Variants in IFNAR1 observed in about 807,000 individuals in gnomAD.
IFNAR1 encodes the protein interferon alpha/beta receptor 1.
Under a neutral mutation model 62.1 loss-of-function variants are expected in IFNAR1, and 47 were observed. That is an observed-to-expected ratio of 0.76 (90% CI 0.60 to 0.97). The LOEUF (loss-of-function observed/expected upper bound fraction) is 0.97. Among genes scored for constraint, IFNAR1 ranks in the 50% least tolerant of loss-of-function variants. The pLI, the probability that IFNAR1 is intolerant of heterozygous loss-of-function variation, is 0.00. For synonymous variants in IFNAR1, 219 were observed against 226.9 expected (o/e 0.97, Z 0.31); for missense variants, 638 against 654.5 (o/e 0.97, Z 0.27).
chr21:33,337,730 C>T (rs187255700), intron 2 of IFNAR1, among the ~76,000 whole-genome samples: 25 of 152,184 alleles, frequency 1.6e-4, no homozygotes, highest in African/African-American at 5.1e-4. Flanking sequence ...TACATATACA[C>T]ACATTGTGTA....
At chr21:33,332,755 C>G (rs2123661593) in intron 1 of IFNAR1, among the ~76,000 whole-genome samples, 1 of 152,236 alleles carries the variant, frequency 6.6e-6, no homozygotes, top group East Asian at 1.9e-4. Flanking sequence ...GCTTCAATAA[C>G]AGACTTGGTA....
Position 33,355,449 on chromosome 21 carries a change from A to T in IFNAR1, c.1574A>T (p.Lys525Ile), listed in dbSNP as rs997078033. Residue 525 changes from lysine (K) to isoleucine (I), a missense_variant, in exon 11 of 11, where the codon AAA becomes ATA. By Grantham distance (102) the Lys-to-Ile change is moderately radical (BLOSUM62 -3). Transcript: ENST00000270139. ...ACTAATCAAACTGATGAAGATCATA[A>T]AAAATACAGTTCCCAAACTAGCCAA... is the stretch of plus-strand genomic sequence containing the variant. The part of the protein sequence containing the change: ...EETNQTDEDH[K>I]KYSSQTSQDS... The T allele has an allele frequency of 1.9e-6, 3 of 1,605,336 alleles. No homozygotes were observed. The highest frequency in any genetic ancestry group is 2.6e-6 in the Non-Finnish European group (3 of 1,174,882).
At chr21:33,337,636 A>T (rs552983387) in intron 2 of IFNAR1, among the ~76,000 whole-genome samples, 1 of 81,420 alleles carries the variant, frequency 1.2e-5, no homozygotes, top group African/African-American at 4.6e-5. Flanking sequence ...GCATATATAC[A>T]CTATATATAT....
rs776619690 is a variant in IFNAR1, at chr21:33,355,507, C to T, written c.1632C>T (p.Ser544=). 32 of 1,600,916 alleles carry T rather than the reference C, an allele frequency of 2.0e-5. No homozygotes were observed. Among genetic ancestry groups the T allele is most frequent in the Non-Finnish European group, 2.4e-5 (28 of 1,175,576 alleles). Residue 544 remains serine, a synonymous_variant, in exon 11 of 11, where the codon AGC becomes AGT. Coordinates refer to ENST00000270139, the MANE Select transcript of IFNAR1 (RefSeq NM_000629.3). ...GAAATTATTCTAATGAAGATGAAAG[C>T]GAAAGTAAAACAAGTGAAGAACTAC... The part of the protein sequence containing the change: ...DSGNYSNEDE[S]ESKTSEELQQ...
intron 10 of IFNAR1, among the ~76,000 whole-genome samples, chr21:33,355,105 AC>A (rs1568934167): frequency 6.6e-6 from 1 of 152,114 alleles, no homozygotes; most frequent in African/African-American, 2.4e-5. Flanking sequence ...AAGACTCACC[AC>A]AGAAGGTACT....
chr21:33,326,119 A>G (rs1259630802), intron 1 of IFNAR1, among the ~76,000 whole-genome samples: 1 of 152,184 alleles, frequency 6.6e-6, no homozygotes, highest in Non-Finnish European at 1.5e-5. Flanking sequence ...CAGAAGTCAT[A>G]AAAATAGTCA....
intron 2 of IFNAR1, among the ~76,000 whole-genome samples, chr21:33,338,856 T>C (rs1413134312): frequency 6.6e-6 from 1 of 151,594 alleles, no homozygotes; most frequent in Non-Finnish European, 1.5e-5. Context: ...AATTCTCCTG[T>C]CTCAGCCTCC....
intron 5 of IFNAR1, among the ~76,000 whole-genome samples, chr21:33,344,209 G>A (rs935432186): frequency 6.6e-6 from 1 of 152,088 alleles, no homozygotes; most frequent in African/African-American, 2.4e-5. Context: ...CTTTTCATTT[G>A]TTCAGAATCC....
chr21:33,347,487 A>C (rs1414366010), intron 6 of IFNAR1, among the ~76,000 whole-genome samples: 2 of 151,812 alleles, frequency 1.3e-5, no homozygotes, highest in Non-Finnish European at 2.9e-5. Context: ...GGCTGTTCGC[A>C]AACTCCTGGC....
intron 1 of IFNAR1, chr21:33,334,786 T>C: frequency 1.3e-6 from 1 of 798,310 alleles, no homozygotes; most frequent in East Asian, 2.6e-5. Flanking sequence ...AGGGCACTGG[T>C]GCCATCAGTG....
intron 1 of IFNAR1, chr21:33,334,951 A>G (rs1480595409): frequency 2.3e-5 from 37 of 1,576,078 alleles, no homozygotes; most frequent in Non-Finnish European, 3.0e-5. Context: ...ATCAGGGAGT[A>G]CAGCTGCTGT....
intron 1 of IFNAR1, among the ~76,000 whole-genome samples, chr21:33,331,874 G>T (rs1465207080): frequency 2.6e-5 from 4 of 152,074 alleles, no homozygotes; most frequent in African/African-American, 9.7e-5. Context: ...ACCCCCATAG[G>T]GGTAGAATCA....
At chr21:33,332,570 A>C (rs539966040) in intron 1 of IFNAR1, among the ~76,000 whole-genome samples, 1 of 152,340 alleles carries the variant, frequency 6.6e-6, no homozygotes, top group African/African-American at 2.4e-5. Context: ...AATTCAAACT[A>C]ATGATCTTAA....
At position 33,342,580 on chromosome 21, in the gene IFNAR1, C is replaced by G. The variant is rs1049920778; in HGVS notation, c.377-688C>G. On this transcript the variant is annotated intron_variant, in intron 3 of 10. Coordinates refer to ENST00000270139, the MANE Select transcript of IFNAR1 (RefSeq NM_000629.3). The stretch of plus-strand genomic sequence containing the variant: ...CTCTTTTTGGCCAGGCGCGGTGGCT[C>G]ACGCCTGTAATCCCAGCACTTTGGG... 2.0e-5 allele frequency among the ~76,000 whole-genome samples: 3 copies of G among 151,902 alleles called. No homozygotes were observed. The East Asian group carries it at 5.8e-4, about 29-fold the overall frequency.
intron 6 of IFNAR1, 68 bp from the exon 7 acceptor site, chr21:33,349,023 C>T (rs2083375076): frequency 1.0e-6 from 1 of 961,952 alleles, no homozygotes; most frequent in South Asian, 1.6e-5. Context: ...TAGCCCCTAA[C>T]ATAGTGTCTG....
chr21:33,337,785 T>C (rs1226085423), intron 2 of IFNAR1, among the ~76,000 whole-genome samples: 1 of 151,742 alleles, frequency 6.6e-6, no homozygotes, highest in African/African-American at 2.4e-5. Flanking sequence ...ACTGTATATG[T>C]ATATGTATAT....
chr21:33,334,434 TA>T (rs913841662), intron 1 of IFNAR1: 17 of 292,382 alleles, frequency 5.8e-5, no homozygotes, highest in East Asian at 1.8e-4. Flanking sequence ...TTCAAAGTGC[TA>T]AAAAAAACAA....
intron 8 of IFNAR1, among the ~76,000 whole-genome samples, chr21:33,352,087 A>G (rs1272097761): frequency 6.6e-6 from 1 of 152,126 alleles, no homozygotes; most frequent in African/African-American, 2.4e-5. Flanking sequence ...GAAATTAAAT[A>G]ATGCTTGCAA....
chr21:33,337,011 A>G (rs965244385), intron 2 of IFNAR1, among the ~76,000 whole-genome samples: 34 of 152,192 alleles, frequency 2.2e-4, no homozygotes, highest in African/African-American at 7.5e-4. Flanking sequence ...TCAGCCTCCC[A>G]AAGTGCTAGG....
Sources: gnomAD v4.1 joint callset for allele counts (sites outside exome capture counted in the v4.1 genomes callset) on GRCh38, gnomAD v4.1.1 for gene constraint, MANE v1.5 for transcripts, NCBI Gene and HGNC (gene_info 2026-07-23, HGNC 2026-07-21) for gene names.